Variants in USP43 observed in about 807,000 individuals in gnomAD.
USP43 encodes the protein ubiquitin specific peptidase 43.
Under a neutral mutation model 90.7 loss-of-function variants are expected in USP43, and 33 were observed. The ratio of observed to expected loss-of-function variants is 0.36; its 90% CI spans 0.28 to 0.49. USP43 has a LOEUF of 0.49. USP43 is among the 20% of genes least tolerant of loss of function. USP43 has a pLI of 0.98. For missense variants in USP43, 1,274 were observed against 1,476.4 expected (o/e 0.86, Z 2.25); for synonymous variants, 598 against 615.8 (o/e 0.97, Z 0.43).
chr17:9,701,322 G>T lies in USP43; in HGVS notation c.1663-30G>T. On this transcript the variant is annotated intron_variant, in intron 11 of 14. Transcript: ENST00000285199. The surrounding 1 kb of genome is among the most constrained non-coding windows in gnomAD (Gnocchi z 7.2). The stretch of plus-strand genomic sequence containing the variant: ...GGTGGGTTGGCCACGTGCTGCGGGG[G>T]CCTCACAGTCCGGGTGGTTTGCTTT... The T allele has an allele frequency of 6.3e-7, 1 of 1,587,380 alleles. No homozygotes were observed. Among genetic ancestry groups the T allele is most frequent in the Non-Finnish European group, 8.6e-7 (1 of 1,166,142 alleles).
chr17:9,724,260 G>T (rs768171038), intron 14 of USP43, among the ~76,000 whole-genome samples: 1 of 152,258 alleles, frequency 6.6e-6, no homozygotes, highest in East Asian at 1.9e-4. Flanking sequence ...CAACTCATCG[G>T]TGTAGCTTTT....
At chr17:9,681,462 T>TTATATA (rs1184883523) in intron 6 of USP43, among the ~76,000 whole-genome samples, 1,180 of 17,390 alleles carry the variant, frequency 0.068, 91 homozygotes, top group Non-Finnish European at 0.084. Context: ...ATAAAATATA[T>TTATATA]TATATATATA....
intron 12 of USP43, among the ~76,000 whole-genome samples, chr17:9,704,992 T>G (rs902495275): frequency 2.6e-5 from 4 of 152,220 alleles, no homozygotes; most frequent in Admixed American, 6.5e-5. Flanking sequence ...AATGTGGTAA[T>G]GTGGTAAAAT....
intron 1 of USP43, among the ~76,000 whole-genome samples, chr17:9,648,463 T>C (rs573617402): frequency 3.6e-4 from 55 of 152,314 alleles, no homozygotes; most frequent in African/African-American, 1.3e-3. Context: ...TGGATGTTAA[T>C]GAAATAATCA....
intron 5 of USP43, among the ~76,000 whole-genome samples, chr17:9,679,806 A>G (rs562630463): frequency 3.9e-5 from 6 of 152,104 alleles, no homozygotes; most frequent in African/African-American, 1.4e-4. Flanking sequence ...CACAGTAGTC[A>G]CCCCTCTACT....
Position 9,646,103 on chromosome 17 carries a change from C to A in USP43, c.471C>A (p.Arg157=). ...CGCTGGTGCGCGCGCTCTGGACTCGCGAATACACGCCCCAACTTTCCGCGG... is the reference window on the plus strand; with the variant it reads ...CGCTGGTGCGCGCGCTCTGGACTCGAGAATACACGCCCCAACTTTCCGCGG... ...LAALVRALWT[R]EYTPQLSAEF... Residue 157 remains arginine, a synonymous_variant, in exon 1 of 15, where the codon CGC becomes CGA. Coordinates refer to ENST00000285199, the MANE Select transcript of USP43 (RefSeq NM_153210.5). The A allele has an allele frequency of 2.0e-6, 3 of 1,497,974 alleles. No individual in the cohort carries two copies. Among genetic ancestry groups the A allele is most frequent in the Non-Finnish European group, 2.7e-6 (3 of 1,124,460 alleles). The allele number at this position is 1,497,974 out of a possible 1,614,324, so 92.8% of individuals were successfully genotyped here. A position where few individuals can be genotyped will look rare whatever the true frequency, so the allele number is the denominator to read the frequency against.
chr17:9,727,828 T>A, intron 14 of USP43, 126 bp from the exon 15 acceptor site: 1 of 1,079,332 alleles, frequency 9.3e-7, no homozygotes. Flanking sequence ...ATGTGGCTTC[T>A]TCACTGCTGT....
intron 4 of USP43, among the ~76,000 whole-genome samples, chr17:9,676,100 T>C (rs1482220644): frequency 6.6e-6 from 1 of 152,212 alleles, no homozygotes; most frequent in African/African-American, 2.4e-5. Flanking sequence ...TCATCAGTAG[T>C]GTTGATTTGT....
intron 1 of USP43, among the ~76,000 whole-genome samples, chr17:9,656,042 T>C (rs903263687): frequency 6.6e-6 from 1 of 152,008 alleles, no homozygotes; most frequent in Non-Finnish European, 1.5e-5. Context: ...GGAGGGAAGA[T>C]TAGTGGAGCA....
At chr17:9,682,306 G>A (rs1278828587) in intron 6 of USP43, among the ~76,000 whole-genome samples, 2 of 152,160 alleles carry the variant, frequency 1.3e-5, no homozygotes, top group African/African-American at 4.8e-5. Flanking sequence ...AGTGGCTCAC[G>A]CCTGAAATCC....
At chr17:9,676,932 T>C in intron 5 of USP43, 51 bp downstream of exon 5, 1 of 1,590,354 alleles carries the variant, frequency 6.3e-7, no homozygotes, top group South Asian at 1.1e-5. Flanking sequence ...GAATGCTAAC[T>C]GAGCCAGCTG....
chr17:9,651,904 C>T (rs1911887557), intron 1 of USP43, among the ~76,000 whole-genome samples: 1 of 151,638 alleles, frequency 6.6e-6, no homozygotes, highest in Non-Finnish European at 1.5e-5. Context: ...ATTCATGATA[C>T]CAGATAGAAG....
At chr17:9,693,479 T>C (rs918660193) in intron 9 of USP43, among the ~76,000 whole-genome samples, 6 of 152,140 alleles carry the variant, frequency 3.9e-5, no homozygotes, top group Admixed American at 3.9e-4. Flanking sequence ...TTAGTTAACT[T>C]GATCACACTT....
chr17:9,685,254 G>A (rs1400458571), intron 7 of USP43, among the ~76,000 whole-genome samples: 1 of 152,156 alleles, frequency 6.6e-6, no homozygotes, highest in Non-Finnish European at 1.5e-5. Context: ...GCTGCAGCGA[G>A]GCCAGGAAGC....
intron 1 of USP43, chr17:9,647,386 A>G (rs1052865077): frequency 6.6e-6 from 1 of 152,192 alleles, no homozygotes; most frequent in Non-Finnish European, 1.5e-5. Context: ...AGAAAGAGGC[A>G]GTATAGTATA....
At chr17:9,717,818 G>A (rs1233537059) in intron 14 of USP43, among the ~76,000 whole-genome samples, 1 of 134,456 alleles carries the variant, frequency 7.4e-6, no homozygotes, top group African/African-American at 2.9e-5. Context: ...TTTTTTTTGA[G>A]GCGGAGTCTT....
chr17:9,692,043 A>G (rs964207091), intron 8 of USP43, among the ~76,000 whole-genome samples: 11 of 136,358 alleles, frequency 8.1e-5, no homozygotes, highest in African/African-American at 2.5e-4. Flanking sequence ...CTCCATCTCG[A>G]AAAAAAAAGA....
Position 9,674,874 on chromosome 17 carries a change from G to C in USP43, c.741-17G>C. On this transcript the variant is annotated splice_polypyrimidine_tract_variant and intron_variant, in intron 3 of 14. Coordinates refer to ENST00000285199, the MANE Select transcript of USP43 (RefSeq NM_153210.5). This position sits in a 1 kb window ranked among gnomAD's most constrained non-coding sequence, Gnocchi z 4.4. Reference sequence around the variant, plus strand: ...TACGTGTGATTAAACGTTCGCCTCTGTTCTTCACCCTCACAGATCTTCCTT... The same window carrying C: ...TACGTGTGATTAAACGTTCGCCTCTCTTCTTCACCCTCACAGATCTTCCTT... 1 of 1,610,672 alleles carries C rather than the reference G, an allele frequency of 6.2e-7. No individual in the cohort carries two copies. Among genetic ancestry groups the C allele is most frequent in the Non-Finnish European group, 8.5e-7 (1 of 1,176,950 alleles).
At chr17:9,694,005 G>T (rs1915112982) in intron 9 of USP43, among the ~76,000 whole-genome samples, 2 of 152,224 alleles carry the variant, frequency 1.3e-5, no homozygotes. Context: ...AGCCAGTGTG[G>T]CTGTGTCTCT....
Sources: allele counts gnomAD v4.1 joint callset (sites outside exome capture counted in the v4.1 genomes callset), GRCh38; gene constraint gnomAD v4.1.1; non-coding constraint Gnocchi (gnomAD v3.1); transcripts MANE v1.5; gene names NCBI Gene and HGNC (gene_info 2026-07-23, HGNC 2026-07-21).